The following UNC5B variants were observed in gnomAD, a reference collection of about 807,000 sequenced individuals.
The protein encoded by UNC5B is netrin receptor UNC5B.
UNC5B carries 56 observed loss-of-function variants against 103.7 expected under a neutral mutation model. The observed-to-expected ratio is 0.54, with a 90% CI of 0.44 to 0.67. UNC5B has a LOEUF of 0.67. Among genes scored for constraint, UNC5B ranks in the 30% least tolerant of loss-of-function variants. The pLI is 0.00. For missense variants in UNC5B, 1,194 were observed against 1,284.5 expected, an observed-to-expected ratio of 0.93 and a Z score of 1.08; for synonymous variants, 577 against 542.0, an observed-to-expected ratio of 1.06 and a Z score of -0.90.
chr10:71,230,070 C>T (rs1053003516), intron 1 of UNC5B, among the ~76,000 whole-genome samples: 2 of 152,190 alleles, frequency 1.3e-5, no homozygotes, highest in African/African-American at 2.4e-5. Context: ...TCTGACTTTT[C>T]ACCCCTACCT....
At chr10:71,257,244 C>T (rs1423974255) in intron 1 of UNC5B, among the ~76,000 whole-genome samples, 1 of 152,234 alleles carries the variant, frequency 6.6e-6, no homozygotes, top group Non-Finnish European at 1.5e-5. Context: ...GCCAGCATGG[C>T]CCACCACTCA....
intron 15 of UNC5B, among the ~76,000 whole-genome samples, chr10:71,297,591 C>A (rs1845474358): frequency 6.6e-6 from 1 of 152,238 alleles, no homozygotes; most frequent in Non-Finnish European, 1.5e-5. Context: ...CTTCACTTTC[C>A]ACCTGTACAA....
At chr10:71,281,448 C>T (rs1047437829) in intron 2 of UNC5B, among the ~76,000 whole-genome samples, 1 of 151,910 alleles carries the variant, frequency 6.6e-6, no homozygotes, top group Non-Finnish European at 1.5e-5. Context: ...TCAAGCAATT[C>T]TCCTACCTCA....
In UNC5B at chr10:71,291,778, C is replaced by T. The variant is rs145992188; in HGVS notation, c.1641C>T (p.Gly547=). The T allele has an allele frequency of 5.0e-6, 8 of 1,606,520 alleles. No homozygotes were observed. In the African/African-American group the frequency reaches 6.7e-5, roughly 13 times the overall value. The change falls in exon 10 of 17, where the codon GGC becomes GGT. Residue 547 remains glycine (G), a synonymous_variant. Coordinates refer to ENST00000335350, the MANE Select transcript of UNC5B (RefSeq NM_170744.5). ...GAGACCCAGGGAGCAGCGTCAGCGG[C>T]ACCTTTGGCTGCCTGGGTGGGAGGC... is the stretch of plus-strand genomic sequence containing the variant. ...LPRDPGSSVS[G]TFGCLGGRLS... is the part of the protein sequence containing the mutation.
At chr10:71,214,172 AG>A (rs1308676770) in intron 1 of UNC5B, among the ~76,000 whole-genome samples, 2 of 152,104 alleles carry the variant, frequency 1.3e-5, no homozygotes, top group African/African-American at 2.4e-5. Flanking sequence ...AGAATGGAGC[AG>A]GAAAACTGGA....
chr10:71,270,361 AGGGAG>A (rs1428686310), intron 1 of UNC5B, among the ~76,000 whole-genome samples: 461 of 5,074 alleles, frequency 0.091, 7 homozygotes, highest in African/African-American at 0.2. Context: ...GGAGGGAGGG[AGGGAG>A]GGAGGGTGGG....
chr10:71,281,386 G>C (rs1223473040), intron 2 of UNC5B, among the ~76,000 whole-genome samples: 1 of 151,602 alleles, frequency 6.6e-6, no homozygotes, highest in African/African-American at 2.4e-5. Flanking sequence ...TGTCACCCGG[G>C]CTAGAGTACA....
intron 1 of UNC5B, among the ~76,000 whole-genome samples, chr10:71,247,410 C>T (rs1242941788): frequency 6.6e-6 from 1 of 152,198 alleles, no homozygotes; most frequent in Admixed American, 6.5e-5. Context: ...TGCAGCAGTC[C>T]CCTCCACCCC....
chr10:71,298,089 C>T lies in UNC5B; in HGVS notation c.2671C>T (p.Arg891Trp), dbSNP rs919375260. The T allele has an allele frequency of 3.7e-6, 6 of 1,601,082 alleles. No homozygotes were observed. The highest frequency in any genetic ancestry group is 5.1e-6 in the Non-Finnish European group (6 of 1,174,168). The change falls in exon 16 of 17, where the codon CGG becomes TGG. Residue 891 changes from arginine to tryptophan, a missense_variant and splice_region_variant. Physicochemically the swap from Arg to Trp is moderately radical, Grantham distance 101 (BLOSUM62 -3). Coordinates refer to ENST00000335350, the MANE Select transcript of UNC5B (RefSeq NM_170744.5). Reference protein sequence around the residue: ...RMLAQKLSMDRYLNYFATKAS... With the variant: ...RMLAQKLSMDWYLNYFATKAS... ...GTTAGCACAGAAGCTCTCTATGGACCGGTGAGTATCCCAAACCACAGCCCA... is the reference window on the plus strand; with the variant it reads ...GTTAGCACAGAAGCTCTCTATGGACTGGTGAGTATCCCAAACCACAGCCCA...
chr10:71,250,306 C>G (rs570165339), intron 1 of UNC5B, among the ~76,000 whole-genome samples: 1 of 152,236 alleles, frequency 6.6e-6, no homozygotes. Flanking sequence ...TACTTCCTAC[C>G]GGGTTGCATG....
intron 1 of UNC5B, among the ~76,000 whole-genome samples, chr10:71,224,081 G>A (rs1317576469): frequency 2.0e-5 from 3 of 152,182 alleles, no homozygotes; most frequent in Non-Finnish European, 4.4e-5. Context: ...TGGCTCACTG[G>A]TCCTTGTCAG....
intron 1 of UNC5B, among the ~76,000 whole-genome samples, chr10:71,273,803 G>A (rs560824266): frequency 6.6e-6 from 1 of 152,228 alleles, no homozygotes; most frequent in Non-Finnish European, 1.5e-5. Context: ...TGCAAAGGAG[G>A]CTTTGAGCTG....
chr10:71,244,339 A>C (rs1843974148), intron 1 of UNC5B, among the ~76,000 whole-genome samples: 1 of 152,228 alleles, frequency 6.6e-6, no homozygotes, highest in Non-Finnish European at 1.5e-5. Flanking sequence ...CCACTCAGGC[A>C]TTATGACGAC....
intron 1 of UNC5B, among the ~76,000 whole-genome samples, chr10:71,267,824 C>T (rs1844554625): frequency 6.6e-6 from 1 of 152,236 alleles, no homozygotes; most frequent in Non-Finnish European, 1.5e-5. Flanking sequence ...AGCTGCTCAC[C>T]CAAACCCAGG....
intron 13 of UNC5B, among the ~76,000 whole-genome samples, chr10:71,295,439 C>T (rs1056659204): frequency 6.6e-6 from 1 of 152,226 alleles, no homozygotes; most frequent in Non-Finnish European, 1.5e-5. Context: ...TTTACCCAGT[C>T]ATTGCTCGTC....
intron 1 of UNC5B, among the ~76,000 whole-genome samples, chr10:71,253,279 C>T (rs903535764): frequency 2.6e-5 from 4 of 152,214 alleles, no homozygotes; most frequent in South Asian, 2.1e-4. Context: ...CTCCTTTCCC[C>T]GTAGCTTGGT....
chr10:71,287,063 G>C (rs1407682755), intron 5 of UNC5B, among the ~76,000 whole-genome samples, 194 bp downstream of exon 5: 1 of 152,246 alleles, frequency 6.6e-6, no homozygotes, highest in African/African-American at 2.4e-5. Flanking sequence ...ACACTCCCCA[G>C]TTCTCAAGAT....
At chr10:71,234,502 G>A (rs1564709851) in intron 1 of UNC5B, among the ~76,000 whole-genome samples, 1 of 152,218 alleles carries the variant, frequency 6.6e-6, no homozygotes, top group Non-Finnish European at 1.5e-5. Flanking sequence ...AGCATAAGAA[G>A]CAAAGCCCCT....
Position 71,299,187 on chromosome 10 carries a change from C to T in UNC5B, c.2748C>T (p.Asp916=), listed in dbSNP as rs147337461. 89 of 1,614,232 alleles carry T rather than the reference C, an allele frequency of 5.5e-5. No homozygotes were observed. Among genetic ancestry groups the T allele is most frequent in the African/African-American group, 3.9e-4 (29 of 75,058 alleles). The change falls in exon 17 of 17, where the codon GAC becomes GAT. Residue 916 remains aspartate (D), a synonymous_variant. Transcript: ENST00000335350. ...ACCTCTGGGAAGCTCTGCAGCAGGA[C>T]GATGGGGACCTCAACAGCCTGGCGA... ...ILDLWEALQQ[D]DGDLNSLASA...
Sources: allele counts gnomAD v4.1 joint callset (sites outside exome capture counted in the v4.1 genomes callset), GRCh38; gene constraint gnomAD v4.1.1; transcripts MANE v1.5; gene names NCBI Gene and HGNC (gene_info 2026-07-23, HGNC 2026-07-21).